Variants in ZIC3 observed in about 807,000 individuals in gnomAD.
ZIC3 encodes Zic family zinc finger 3.
In ZIC3, 6 loss-of-function variants were observed where a neutral mutation model predicts 18.3. The observed-to-expected ratio is 0.33, with a 90% CI of 0.18 to 0.65. The LOEUF is 0.65. Ranked by LOEUF, ZIC3 falls within the 30% of genes least tolerant of loss-of-function variation. The pLI is 0.75. For synonymous variants in ZIC3, 175 were observed against 177.0 expected (o/e 0.99, Z 0.09); for missense variants, 260 against 410.0 (o/e 0.63, Z 3.16).
downstream of ZIC3, among the ~76,000 whole-genome samples, chrX:137,575,167 T>C (rs1366403219): frequency 8.9e-6 from 1 of 112,339 alleles, no homozygotes; most frequent in Non-Finnish European, 1.9e-5. Flanking sequence ...GTATGTTCTC[T>C]TCCAGGACAG....
chrX:137,573,187 C>T (rs1602745504), downstream of ZIC3, among the ~76,000 whole-genome samples: 1 of 103,080 alleles, frequency 9.7e-6, no homozygotes, highest in Middle Eastern at 5.6e-3. Context: ...CATCAATGCT[C>T]AAGCCCGAGG....
At chrX:137,574,675 G>C (rs1931490816), downstream of ZIC3, among the ~76,000 whole-genome samples, 2 of 112,271 alleles carry the variant, frequency 1.8e-5, no homozygotes, top group Non-Finnish European at 3.8e-5. Flanking sequence ...CCGCTTTGCA[G>C]TGCCGCGGCC....
At chrX:137,577,433 A>T (rs966899701) in exon 3 of ZIC3, 2 of 324,880 alleles carry the variant, frequency 6.2e-6, no homozygotes, top group Non-Finnish European at 1.1e-5. Flanking sequence ...AAGCAAAAAA[A>T]CTCCCCCCAC....
Position 137,571,254 on chromosome X carries a change from A to C in ZIC3, c.*1184A>C, listed in dbSNP as rs1931432434. 2 of 112,447 alleles carry C rather than the reference A, an allele frequency of 1.8e-5. No homozygotes were observed. Among genetic ancestry groups the C allele is most frequent in the Non-Finnish European group, 1.9e-5 (1 of 53,259 alleles). 9.3% of individuals were successfully genotyped at this position (112,447 alleles called of 1,213,427 possible). Reference sequence around the variant, plus strand: ...GTCCCTTAGTTCTTTATTACCTTACATAAAAATGAAAATTGCGGCAGGATG... The same window carrying C: ...GTCCCTTAGTTCTTTATTACCTTACCTAAAAATGAAAATTGCGGCAGGATG... On this transcript the variant is annotated 3_prime_UTR_variant, in exon 3 of 3. Coordinates refer to ENST00000287538, the MANE Select transcript of ZIC3 (RefSeq NM_003413.4).
At chrX:137,576,983 A>C (rs1931521323), downstream of ZIC3, 1 of 418,487 alleles carries the variant, frequency 2.4e-6, no homozygotes, top group Non-Finnish European at 4.2e-6. Context: ...AGGTGTTAAA[A>C]ATAAAACATT....
downstream of ZIC3, among the ~76,000 whole-genome samples, chrX:137,572,718 T>C (rs1931455682): frequency 9.1e-6 from 1 of 110,494 alleles, no homozygotes; most frequent in African/African-American, 3.3e-5. Context: ...GAGCCATGGG[T>C]TGGATACAGG....
chrX:137,567,863 A>C (rs1171311755), intron 1 of ZIC3, 112 bp downstream of exon 1: 1 of 1,156,075 alleles, frequency 8.6e-7, no homozygotes, highest in Non-Finnish European at 1.2e-6. Context: ...GACGCCCCGC[A>C]ACGGCCGCTC....
In ZIC3 at chrX:137,566,174, C is replaced by T. The variant is rs1486928820; in HGVS notation, c.-518C>T. The T allele has an allele frequency of 6.8e-6, 1 of 147,453 alleles. No individual in the cohort carries two copies. The highest frequency in any genetic ancestry group is 2.0e-4 in the East Asian group (1 of 4,970). The allele number at this position is 147,453 out of a possible 1,213,427, so 12.2% of individuals were successfully genotyped here. ...GGAGGCGAAGAGGCTGGGACTCGCG[C>T]GGCGAGCGGCAAGCGGCGAGTAACG... On this transcript the variant is annotated 5_prime_UTR_variant, in exon 1 of 3. Coordinates refer to ENST00000287538, the MANE Select transcript of ZIC3 (RefSeq NM_003413.4).
At chrX:137,577,336 T>A in exon 3 of ZIC3, 1 of 404,971 alleles carries the variant, frequency 2.5e-6, no homozygotes, top group African/African-American at 2.5e-5. Flanking sequence ...ATTTTAAGAG[T>A]AGTAGCTTCT....
downstream of ZIC3, among the ~76,000 whole-genome samples, chrX:137,576,445 C>G (rs1018158622): frequency 9.0e-6 from 1 of 111,666 alleles, no homozygotes; most frequent in African/African-American, 3.3e-5. Flanking sequence ...CATGGTAAAA[C>G]TGGTTGATTT....
At position 137,570,111 on chromosome X, in the gene ZIC3, A is replaced by G. The variant is rs12387258; in HGVS notation, c.*41A>G. 6.5e-4 allele frequency: 780 copies of G among 1,192,308 alleles called. 4 individuals carry two copies. The African/African-American group carries it at 0.011, about 17-fold the overall frequency. ...CTGTTAATTATAGAATGGACCAAAT[A>G]CATTTTTAAAAGAAAACTGAGACCA... is the stretch of plus-strand genomic sequence containing the variant. On this transcript the variant is annotated 3_prime_UTR_variant, in exon 3 of 3. Transcript: ENST00000287538.
At position 137,570,405 on chromosome X, in the gene ZIC3, AGGCTTGTT is replaced by A. The variant is rs1931421111; in HGVS notation, c.*338_*345del. 1.5e-5 allele frequency: 4 copies of A among 272,485 alleles called. No homozygotes were observed. In the South Asian group the frequency reaches 1.5e-4, roughly 10 times the overall value. The allele number at this position is 272,485 out of a possible 1,213,427, so 22.5% of individuals were successfully genotyped here. ...CTGTTTCTTGAGAGGAAGTTATAGA[AGGCTTGTT>A]GGTGGTGGTGATGTTAAACTGATGG... is the stretch of plus-strand genomic sequence containing the variant. On this transcript the variant is annotated 3_prime_UTR_variant, in exon 3 of 3. Transcript: ENST00000287538.
At chrX:137,577,015 C>A, downstream of ZIC3, 1 of 415,203 alleles carries the variant, frequency 2.4e-6, no homozygotes, top group Non-Finnish European at 4.3e-6. Context: ...TATTATAAAC[C>A]AGAGTTTAAA....
chrX:137,577,132 C>T (rs1268365850), exon 3 of ZIC3: 10 of 521,811 alleles, frequency 1.9e-5, no homozygotes, highest in Non-Finnish European at 3.5e-5. Context: ...TGTTGTCCTG[C>T]TTGGTATCCG....
At chrX:137,577,205 C>T (rs1427193938) in exon 3 of ZIC3, 1 of 523,088 alleles carries the variant, frequency 1.9e-6, no homozygotes, top group East Asian at 3.6e-5. Flanking sequence ...AGCCAGCCCT[C>T]CATAACACTA....
rs536230068 is a variant in ZIC3 at position 137,571,747 on chromosome X, C to T, written c.*1677C>T. On this transcript the variant is annotated 3_prime_UTR_variant, in exon 3 of 3. Transcript: ENST00000287538. ...ATAAAATGTTAACAATCCATTTAAT[C>T]TTCAGTGAAGCAACTCATTTGGACA... Among the ~76,000 whole-genome samples, 1 of 112,384 alleles carries T rather than the reference C, an allele frequency of 8.9e-6. No homozygotes were observed. Among genetic ancestry groups the T allele is most frequent in the East Asian group, 2.8e-4 (1 of 3,618 alleles).
chrX:137,569,447 G>C (rs1007038074), intron 2 of ZIC3, among the ~76,000 whole-genome samples: 18 of 112,243 alleles, frequency 1.6e-4, no homozygotes, highest in African/African-American at 5.8e-4. Flanking sequence ...AAAACAATAG[G>C]GCCGAGGAGT....
chrX:137,566,883 C>G lies in ZIC3; in HGVS notation c.192C>G (p.His64Gln), dbSNP rs1210045566. The G allele has an allele frequency of 2.9e-5, 34 of 1,163,498 alleles. No individual in the cohort carries two copies. Among genetic ancestry groups the G allele is most frequent in the Non-Finnish European group, 3.7e-5 (32 of 872,452 alleles). Residue 64 changes from histidine to glutamine, a missense_variant, in exon 1 of 3, where the codon CAC (histidine) becomes CAG (glutamine). This residue lies in a region of ZIC3 where 183 missense variants were observed against 223.8 expected (regional missense o/e 0.82). Coordinates refer to ENST00000287538, the MANE Select transcript of ZIC3 (RefSeq NM_003413.4). Reference protein sequence around the residue: ...AAFKLSPAAAHDLSSGQSSAF... With the variant: ...AAFKLSPAAAQDLSSGQSSAF... ...TCAAGCTGAGCCCTGCCGCGGCGCA[C>G]GATCTATCTTCAGGCCAGAGCTCGG...
chrX:137,568,705 C>T (rs1931393091), intron 1 of ZIC3, 197 bp from the exon 2 acceptor site: 1 of 161,872 alleles, frequency 6.2e-6, no homozygotes, highest in African/African-American at 3.8e-5. Context: ...CCACCCCCAC[C>T]CCGACCACCA....
Sources: allele counts gnomAD v4.1 joint callset (sites outside exome capture counted in the v4.1 genomes callset), GRCh38; gene constraint gnomAD v4.1.1; regional missense constraint gnomAD v4.1.1; transcripts MANE v1.5; gene names NCBI Gene and HGNC (gene_info 2026-07-23, HGNC 2026-07-21).